Variants in HDAC8 observed in about 807,000 individuals in gnomAD.
HDAC8 encodes the protein histone deacetylase-like 1.
HDAC8 carries 1 observed loss-of-function variant against 32.2 expected under a neutral mutation model. The ratio of observed to expected loss-of-function variants is 0.03; its 90% confidence interval spans 0.01 to 0.15. HDAC8 has a LOEUF of 0.15. Among genes scored for constraint, HDAC8 ranks in the 10% least tolerant of loss-of-function variants. The pLI, the probability that HDAC8 is intolerant of heterozygous loss-of-function variation, is 1.00. For missense variants in HDAC8, 117 were observed against 300.0 expected (o/e 0.39, Z 4.51); for synonymous variants, 108 against 113.9 (o/e 0.95, Z 0.33).
chrX:72,451,494 GCC>G (rs2047570336), intron 9 of HDAC8, among the ~76,000 whole-genome samples: 1 of 112,424 alleles, frequency 8.9e-6, no homozygotes, highest in Non-Finnish European at 1.9e-5. Flanking sequence ...ACCGTGCCTA[GCC>G]CACAGTAAAG....
chrX:72,556,706 A>G (rs2147524325), intron 4 of HDAC8, among the ~76,000 whole-genome samples: 1 of 111,880 alleles, frequency 8.9e-6, no homozygotes, highest in South Asian at 3.8e-4. Context: ...AAAATATCAC[A>G]ATTCTAAATA....
At chrX:72,509,994 T>C (rs1409871915) in intron 4 of HDAC8, among the ~76,000 whole-genome samples, 3 of 111,844 alleles carry the variant, frequency 2.7e-5, no homozygotes, top group Non-Finnish European at 5.6e-5. Flanking sequence ...CAGTTCCTTT[T>C]AGTAGCAATT....
intron 10 of HDAC8, chrX:72,330,875 G>T (rs2043497973): frequency 9.1e-6 from 1 of 109,813 alleles, no homozygotes; most frequent in South Asian, 4.0e-4. Flanking sequence ...CTCAGTAAAT[G>T]GCTGAATGAA....
At chrX:72,474,777 T>C (rs2048284775) in intron 7 of HDAC8, 1 of 817,582 alleles carries the variant, frequency 1.2e-6, no homozygotes, top group Non-Finnish European at 1.8e-6. Flanking sequence ...TGCTTTTGGA[T>C]AAAAGAAAAG....
At chrX:72,559,884 T>C (rs1464936904) in intron 4 of HDAC8, among the ~76,000 whole-genome samples, 2 of 108,456 alleles carry the variant, frequency 1.8e-5, no homozygotes, top group African/African-American at 6.8e-5. Context: ...AGCCACCCCG[T>C]CCGGGAGGGA....
At chrX:72,361,079 A>T (rs1555952363) in intron 9 of HDAC8, among the ~76,000 whole-genome samples, 1 of 110,869 alleles carries the variant, frequency 9.0e-6, no homozygotes, top group African/African-American at 3.3e-5. Flanking sequence ...GAAGATGGGG[A>T]TGGAAAAAAA....
intron 2 of HDAC8, among the ~76,000 whole-genome samples, chrX:72,571,564 T>C (rs1271577380): frequency 1.6e-5 from 1 of 63,458 alleles, no homozygotes; most frequent in African/African-American, 9.3e-5. Flanking sequence ...TTTTTTTTTT[T>C]TTTTTTTTTT....
intron 4 of HDAC8, among the ~76,000 whole-genome samples, chrX:72,525,707 A>G (rs1407217637): frequency 9.9e-6 from 1 of 100,990 alleles, no homozygotes; most frequent in Non-Finnish European, 2.0e-5. Context: ...CCAGCTACTC[A>G]GGAGGCTGAG....
intron 9 of HDAC8, among the ~76,000 whole-genome samples, chrX:72,391,672 C>T (rs562606494): frequency 4.5e-5 from 5 of 111,668 alleles, no homozygotes; most frequent in African/African-American, 1.6e-4. Context: ...TCTCTAAATG[C>T]TTTAATGAGC....
intron 7 of HDAC8, among the ~76,000 whole-genome samples, chrX:72,465,042 C>T (rs1470528363): frequency 2.7e-5 from 3 of 111,624 alleles, no homozygotes; most frequent in African/African-American, 9.8e-5. Flanking sequence ...AGCCATAGGA[C>T]ACAGTATACA....
Position 72,375,914 on chromosome X carries a change from A to C in HDAC8, c.1006-24076T>G, listed in dbSNP as rs181013157. On this transcript the variant is annotated intron_variant, in intron 9 of 10. Coordinates refer to ENST00000373573, the MANE Select transcript of HDAC8 (RefSeq NM_018486.3). ...CCTGGGGTTTTCTTTGTGGGAATTC[A>C]AAAAATTATTAATTCAATCTATTTT... is the stretch of plus-strand genomic sequence containing the variant. Among the ~76,000 whole-genome samples the C allele has an allele frequency of 3.7e-4, 42 of 112,140 alleles. No individual in the cohort carries two copies. The East Asian group carries it at 0.011, about 29-fold the overall frequency.
Position 72,572,164 on chromosome X carries a change from G to C in HDAC8, c.112-55C>G. 2.8e-6 allele frequency: 3 copies of C among 1,057,167 alleles called. No homozygotes were observed. The South Asian group carries it at 6.6e-5, about 23-fold the overall frequency. The allele number at this position is 1,057,167 out of a possible 1,213,427, so 87.1% of individuals were successfully genotyped here. ...GAAAAGCAGAAATAGTCTCTTTAAA[G>C]TTTAATTCAGCAAAATCCCCGTCAA... On this transcript the variant is annotated intron_variant, in intron 1 of 10. Transcript: ENST00000373573.
chrX:72,420,790 C>T (rs2046466171), intron 9 of HDAC8, among the ~76,000 whole-genome samples: 1 of 111,807 alleles, frequency 8.9e-6, no homozygotes. Context: ...TTTTTGGTTA[C>T]CACTTGAATA....
intron 4 of HDAC8, among the ~76,000 whole-genome samples, chrX:72,534,486 A>G (rs1250171579): frequency 2.7e-5 from 3 of 109,128 alleles, no homozygotes; most frequent in East Asian, 5.8e-4. Flanking sequence ...TTTTTGTACA[A>G]TTAGTAGAGA....
intron 4 of HDAC8, among the ~76,000 whole-genome samples, chrX:72,539,302 G>C (rs934861009): frequency 9.0e-6 from 1 of 111,220 alleles, no homozygotes; most frequent in Non-Finnish European, 1.9e-5. Context: ...CACGATCTCC[G>C]CTCACTGCAA....
At chrX:72,547,303 T>A (rs1388751541) in intron 4 of HDAC8, among the ~76,000 whole-genome samples, 1 of 109,773 alleles carries the variant, frequency 9.1e-6, no homozygotes, top group Non-Finnish European at 1.9e-5. Context: ...CCATAACCCC[T>A]TTCTATTTTG....
intron 9 of HDAC8, among the ~76,000 whole-genome samples, chrX:72,397,350 C>A (rs962866003): frequency 8.9e-6 from 1 of 112,076 alleles, no homozygotes; most frequent in Non-Finnish European, 1.9e-5. Flanking sequence ...ATCTCTTCTG[C>A]AGCTCCTACT....
chrX:72,455,096 G>A (rs2047685338), intron 9 of HDAC8, among the ~76,000 whole-genome samples: 1 of 112,179 alleles, frequency 8.9e-6, no homozygotes, highest in Non-Finnish European at 1.9e-5. Flanking sequence ...CAACAAACAT[G>A]AGTAGTGCTA....
chrX:72,356,786 G>A (rs2044381177), intron 9 of HDAC8, among the ~76,000 whole-genome samples: 1 of 111,633 alleles, frequency 9.0e-6, no homozygotes, highest in South Asian at 3.8e-4. Flanking sequence ...CACCATGTTG[G>A]CCAGGATAGT....
Sources: gnomAD v4.1 joint callset for allele counts (sites outside exome capture counted in the v4.1 genomes callset) on GRCh38, gnomAD v4.1.1 for gene constraint, MANE v1.5 for transcripts, NCBI Gene and HGNC (gene_info 2026-07-23, HGNC 2026-07-21) for gene names.